Variants in PPARGC1A observed in about 807,000 individuals in gnomAD.
The protein encoded by PPARGC1A is peroxisome proliferator-activated receptor gamma coactivator 1-alpha.
A neutral mutation model predicts 88.7 loss-of-function variants in PPARGC1A; 25 were observed. That is an observed-to-expected ratio of 0.28 (90% CI 0.21 to 0.39). The LOEUF is 0.39. Among genes scored for constraint, PPARGC1A ranks in the 10% least tolerant of loss-of-function variants. PPARGC1A has a pLI of 1.00. For missense variants in PPARGC1A, 880 were observed against 968.7 expected, an observed-to-expected ratio of 0.91 and a Z score of 1.22; for synonymous variants, 363 against 355.6, an observed-to-expected ratio of 1.02 and a Z score of -0.24.
At chr4:23,954,477 G>T in the PPARGC1A span, among the ~76,000 whole-genome samples, 3,485 of 151,946 alleles carry the variant, frequency 0.023, 128 homozygotes, top group African/African-American at 0.079. Flanking sequence ...ACAACTCAAG[G>T]TCTTCCAGAA....
chr4:23,962,362 A>G, the PPARGC1A span, among the ~76,000 whole-genome samples: 13 of 152,092 alleles, frequency 8.5e-5, no homozygotes, highest in African/African-American at 3.1e-4. Flanking sequence ...CCTTCTACAA[A>G]TGAGAAAGCT....
intron 4 of PPARGC1A, 63 bp downstream of exon 4, chr4:23,829,400 T>C: frequency 6.4e-7 from 1 of 1,559,528 alleles, no homozygotes; most frequent in Non-Finnish European, 8.8e-7. Flanking sequence ...CTTATTTGTT[T>C]TACTGCTTCA....
At chr4:24,447,874 C>G in the PPARGC1A span, among the ~76,000 whole-genome samples, 17 of 152,318 alleles carry the variant, frequency 1.1e-4, no homozygotes, top group African/African-American at 3.8e-4. Context: ...GACTTCATCA[C>G]CAAGCCCTTC....
the PPARGC1A span, among the ~76,000 whole-genome samples, chr4:24,375,021 A>AAAAAC: frequency 6.6e-6 from 1 of 151,698 alleles, no homozygotes; most frequent in Non-Finnish European, 1.5e-5. Flanking sequence ...CCTAAAAAAA[A>AAAAAC]AAAAAAAAGA....
rs1717467432 is a variant in PPARGC1A, at chr4:23,795,739, T to A, written c.*83A>T. On this transcript the variant is annotated 3_prime_UTR_variant, in exon 13 of 13. Coordinates refer to ENST00000264867, the MANE Select transcript of PPARGC1A (RefSeq NM_013261.5). ...GTAAAGTAGGAGAAATTCCTAAGTATGACTTGCAATAGTCTTTAGGGAAGG... is the reference window on the plus strand; with the variant it reads ...GTAAAGTAGGAGAAATTCCTAAGTAAGACTTGCAATAGTCTTTAGGGAAGG... The A allele has an allele frequency of 2.3e-5, 24 of 1,047,078 alleles. No individual in the cohort carries two copies. In the South Asian group the frequency reaches 3.1e-4, roughly 14 times the overall value. 64.9% of individuals were successfully genotyped at this position (1,047,078 alleles called of 1,614,324 possible).
chr4:24,348,704 C>G, the PPARGC1A span, among the ~76,000 whole-genome samples: 1 of 151,430 alleles, frequency 6.6e-6, no homozygotes, highest in Non-Finnish European at 1.5e-5. Context: ...ATATTTCTCC[C>G]TTCACTTCTT....
chr4:23,817,902 C>T (rs1722267015), intron 7 of PPARGC1A, among the ~76,000 whole-genome samples: 1 of 152,158 alleles, frequency 6.6e-6, no homozygotes, highest in Non-Finnish European at 1.5e-5. Context: ...ATGTTTCTTT[C>T]TTTGAACATA....
the PPARGC1A span, among the ~76,000 whole-genome samples, chr4:24,266,956 A>G: frequency 2.6e-5 from 4 of 152,146 alleles, no homozygotes; most frequent in African/African-American, 9.7e-5. Context: ...AGTTTCCTCA[A>G]GTACTTTTTT....
At chr4:24,399,851 C>G in the PPARGC1A span, among the ~76,000 whole-genome samples, 1 of 151,074 alleles carries the variant, frequency 6.6e-6, no homozygotes, top group African/African-American at 2.4e-5. Context: ...TGCAGTGGCA[C>G]GATCTTGGCT....
the PPARGC1A span, among the ~76,000 whole-genome samples, chr4:24,168,423 T>G: frequency 1.3e-5 from 2 of 152,208 alleles, no homozygotes; most frequent in East Asian, 3.9e-4. Flanking sequence ...ATAAGATAAC[T>G]CCTTGAGGCC....
the PPARGC1A span, among the ~76,000 whole-genome samples, chr4:24,454,553 T>A: frequency 6.9e-6 from 1 of 144,882 alleles, no homozygotes; most frequent in East Asian, 2.0e-4. Context: ...CTGGACAACA[T>A]GACAAGACCT....
At chr4:24,145,006 A>G in the PPARGC1A span, among the ~76,000 whole-genome samples, 1 of 150,896 alleles carries the variant, frequency 6.6e-6, no homozygotes. Context: ...GCAATAATTT[A>G]TATCTTGCAT....
the PPARGC1A span, among the ~76,000 whole-genome samples, chr4:24,453,749 C>T: frequency 6.6e-6 from 1 of 152,022 alleles, no homozygotes; most frequent in Non-Finnish European, 1.5e-5. Flanking sequence ...CATTGCACTC[C>T]AGCCTGGGCA....
chr4:24,432,308 G>A, the PPARGC1A span, among the ~76,000 whole-genome samples: 4 of 152,168 alleles, frequency 2.6e-5, no homozygotes, highest in Non-Finnish European at 5.9e-5. Flanking sequence ...GGGTGATAAG[G>A]ATCTTTTTTT....
At chr4:24,305,116 CATACATATATGTGTATGT>C in the PPARGC1A span, among the ~76,000 whole-genome samples, 1 of 120,656 alleles carries the variant, frequency 8.3e-6, no homozygotes, top group Non-Finnish European at 1.7e-5. Context: ...AAACAGAATA[CATACATATATGTGTATGT>C]ATATATATAT....
the PPARGC1A span, among the ~76,000 whole-genome samples, chr4:24,079,179 T>A: frequency 3.3e-5 from 5 of 152,096 alleles, no homozygotes; most frequent in Non-Finnish European, 5.9e-5. Flanking sequence ...TCAAGTATTT[T>A]AAATTTTTAA....
the PPARGC1A span, among the ~76,000 whole-genome samples, chr4:24,163,364 C>T: frequency 6.6e-6 from 1 of 151,826 alleles, no homozygotes; most frequent in Non-Finnish European, 1.5e-5. Flanking sequence ...TCTAATGCAA[C>T]CTCATAGAGC....
At chr4:24,156,966 C>A in the PPARGC1A span, among the ~76,000 whole-genome samples, 1 of 152,124 alleles carries the variant, frequency 6.6e-6, no homozygotes, top group Non-Finnish European at 1.5e-5. Context: ...ATCCACAGTT[C>A]CCATCCCTTC....
the PPARGC1A span, among the ~76,000 whole-genome samples, chr4:24,035,964 T>G: frequency 6.6e-6 from 1 of 152,320 alleles, no homozygotes; most frequent in Non-Finnish European, 1.5e-5. Flanking sequence ...ACGTGTTTAC[T>G]TCCCATAACT....
Sources: gnomAD v4.1 joint callset for allele counts (sites outside exome capture counted in the v4.1 genomes callset) on GRCh38, gnomAD v4.1.1 for gene constraint, MANE v1.5 for transcripts, NCBI Gene and HGNC (gene_info 2026-07-23, HGNC 2026-07-21) for gene names.